ARHGEF28: variants seen among roughly 807,000 people sequenced by gnomAD.
The protein encoded by ARHGEF28 is 190 kDa guanine nucleotide exchange factor.
ARHGEF28 carries 152 observed loss-of-function variants against 206.6 expected under a neutral mutation model. That is an observed-to-expected ratio of 0.74 (90% CI 0.64 to 0.84). The LOEUF is 0.84. Ranked by LOEUF, ARHGEF28 falls within the 40% of genes least tolerant of loss-of-function variation. ARHGEF28 has a pLI of 0.00. For missense variants in ARHGEF28, 2,028 were observed against 2,073.2 expected (o/e 0.98, Z 0.42); for synonymous variants, 763 against 776.4 (o/e 0.98, Z 0.29).
chr5:73,771,673 TAAC>T (rs778058838), intron 4 of ARHGEF28, among the ~76,000 whole-genome samples: 5 of 152,156 alleles, frequency 3.3e-5, no homozygotes, highest in African/African-American at 4.8e-5. Context: ...TACCTGATCT[TAAC>T]AAGTCTATTC....
chr5:73,740,864 G>C lies in ARHGEF28; in HGVS notation c.34-8973G>C, dbSNP rs1468745432. On this transcript the variant is annotated intron_variant, in intron 2 of 35. Coordinates refer to ENST00000513042, the MANE Select transcript of ARHGEF28 (RefSeq NM_001177693.2). Reference sequence around the variant, plus strand: ...TTTTCATCAATATAGGGTAGGGCAGGCTGCTCCCTCAGTGATGCTAGTGGA... The same window carrying C: ...TTTTCATCAATATAGGGTAGGGCAGCCTGCTCCCTCAGTGATGCTAGTGGA... Among the ~76,000 whole-genome samples, 8 of 152,244 alleles carry C rather than the reference G, an allele frequency of 5.3e-5. No individual in the cohort carries two copies. In the East Asian group the frequency reaches 9.7e-4, roughly 18 times the overall value.
chr5:73,632,747 A>G (rs796185261), intron 1 of ARHGEF28, among the ~76,000 whole-genome samples: 66 of 152,256 alleles, frequency 4.3e-4, no homozygotes, highest in African/African-American at 1.6e-3. Flanking sequence ...ACATATTCCA[A>G]TTCACTATTT....
chr5:73,668,608 A>G lies in ARHGEF28; in HGVS notation c.-11-16233A>G, dbSNP rs141465026. The stretch of plus-strand genomic sequence containing the variant: ...CCAACCCATGCTTTTTGGGGAACAC[A>G]TTTGAACCACAGTAACCACCCATAT... On this transcript the variant is annotated intron_variant, in intron 1 of 35. Transcript: ENST00000513042. Among the ~76,000 whole-genome samples, 73 of 152,334 alleles carry G rather than the reference A, an allele frequency of 4.8e-4. 1 individual carries two copies. The East Asian group carries it at 0.014, about 28-fold the overall frequency.
At chr5:73,916,681 G>A (rs889441125) in intron 35 of ARHGEF28, among the ~76,000 whole-genome samples, 1 of 152,042 alleles carries the variant, frequency 6.6e-6, no homozygotes, top group Non-Finnish European at 1.5e-5. Flanking sequence ...CTGAGCTACT[G>A]GGGGTTAGGA....
intron 2 of ARHGEF28, among the ~76,000 whole-genome samples, chr5:73,739,335 A>C (rs1276388218): frequency 6.6e-6 from 1 of 152,226 alleles, no homozygotes; most frequent in East Asian, 1.9e-4. Flanking sequence ...ATTTCATACT[A>C]ATTGGAAACA....
In ARHGEF28 at chr5:73,684,833, C is replaced by T. The variant is rs776533245; in HGVS notation, c.-11-8C>T. On this transcript the variant is annotated splice_region_variant and splice_polypyrimidine_tract_variant and intron_variant, in intron 1 of 35. Coordinates refer to ENST00000513042, the MANE Select transcript of ARHGEF28 (RefSeq NM_001177693.2). Reference sequence around the variant, plus strand: ...AATAACTTCTCTTGTTTATTATTTTCATTGCAGATGCGAAAGCCATGGAGT... The same window carrying T: ...AATAACTTCTCTTGTTTATTATTTTTATTGCAGATGCGAAAGCCATGGAGT... 6.2e-7 allele frequency: 1 copy of T among 1,606,198 alleles called. No individual in the cohort carries two copies. The highest frequency in any genetic ancestry group is 8.5e-7 in the Non-Finnish European group (1 of 1,176,020).
rs139923022 is a variant in ARHGEF28, at chr5:73,699,640, G to A, written c.33+14756G>A. ...CTGAGCAGAGGCGTGCTGATGGGAG[G>A]GAATTTGAAAATCTGGGTTACTGAA... is the stretch of plus-strand genomic sequence containing the variant. On this transcript the variant is annotated intron_variant, in intron 2 of 35. Transcript: ENST00000513042. Among the ~76,000 whole-genome samples the A allele has an allele frequency of 8.3e-3, 1,259 of 152,148 alleles. 7 individuals carry two copies. The highest frequency in any genetic ancestry group is 0.024 in the African/African-American group (1,016 of 41,500).
intron 16 of ARHGEF28, among the ~76,000 whole-genome samples, chr5:73,863,624 G>A (rs1339702424): frequency 6.6e-6 from 1 of 151,014 alleles, no homozygotes; most frequent in Non-Finnish European, 1.5e-5. Flanking sequence ...TTTTACTGAG[G>A]CCCCCGTCTT....
At chr5:73,867,822 T>C in intron 18 of ARHGEF28, 54 bp from the exon 19 acceptor site, 1 of 1,610,284 alleles carries the variant, frequency 6.2e-7, no homozygotes, top group Non-Finnish European at 8.5e-7. Context: ...GTGACTACTT[T>C]TACTTGTAAT....
chr5:73,914,786 C>T (rs157450), intron 35 of ARHGEF28, among the ~76,000 whole-genome samples: 52,288 of 151,920 alleles, frequency 0.34, 9,500 homozygotes, highest in Admixed American at 0.45. Context: ...AGTTCAGTGG[C>T]GTGATTTTCA....
chr5:73,890,281 C>CAACT (rs1761546254), intron 26 of ARHGEF28, among the ~76,000 whole-genome samples: 1 of 152,196 alleles, frequency 6.6e-6, no homozygotes, highest in Admixed American at 6.5e-5. Flanking sequence ...CAACACTAAC[C>CAACT]AACTGGTTCA....
chr5:73,841,677 C>T (rs1757996003), intron 11 of ARHGEF28, among the ~76,000 whole-genome samples: 1 of 144,218 alleles, frequency 6.9e-6, no homozygotes, highest in Non-Finnish European at 1.5e-5. Flanking sequence ...TGAACTCCAA[C>T]CTGGGTGACA....
intron 4 of ARHGEF28, among the ~76,000 whole-genome samples, chr5:73,769,563 A>G (rs1368691789): frequency 6.6e-6 from 1 of 152,170 alleles, no homozygotes; most frequent in Non-Finnish European, 1.5e-5. Flanking sequence ...ATATTGTTGT[A>G]TGATTGCACT....
intron 2 of ARHGEF28, among the ~76,000 whole-genome samples, chr5:73,692,833 G>A (rs927314399): frequency 3.9e-5 from 6 of 152,154 alleles, no homozygotes; most frequent in East Asian, 1.9e-4. Context: ...GCCTTCTTCC[G>A]GATCCCTGCA....
At chr5:73,749,815 C>G in intron 2 of ARHGEF28, 22 bp from the exon 3 acceptor site, 6 of 1,612,822 alleles carry the variant, frequency 3.7e-6, no homozygotes, top group Non-Finnish European at 5.1e-6. Context: ...TCTGACAATG[C>G]CCCGACTTAT....
chr5:73,932,869 C>T (rs554690379), intron 35 of ARHGEF28, among the ~76,000 whole-genome samples: 1,212 of 119,318 alleles, frequency 0.01, 2 homozygotes, highest in Admixed American at 0.021. Flanking sequence ...AGTGCAGTGG[C>T]GCGATCTCGG....
chr5:73,684,178 A>G (rs1226713818), intron 1 of ARHGEF28, among the ~76,000 whole-genome samples: 1 of 152,168 alleles, frequency 6.6e-6, no homozygotes, highest in Admixed American at 6.6e-5. Flanking sequence ...CCATCTCCAG[A>G]ACTTCCTTAT....
At chr5:73,755,322 G>T (rs533447636) in intron 4 of ARHGEF28, among the ~76,000 whole-genome samples, 2 of 151,496 alleles carry the variant, frequency 1.3e-5, no homozygotes, top group Non-Finnish European at 2.9e-5. Flanking sequence ...TTTTTGGGGG[G>T]GTGTGGATCC....
chr5:73,848,380 A>G (rs1758493936), intron 12 of ARHGEF28, among the ~76,000 whole-genome samples: 1 of 152,198 alleles, frequency 6.6e-6, no homozygotes, highest in Admixed American at 6.5e-5. Context: ...GTGATATCCA[A>G]ACATCCACCC....
Sources: allele counts gnomAD v4.1 joint callset (sites outside exome capture counted in the v4.1 genomes callset), GRCh38; gene constraint gnomAD v4.1.1; transcripts MANE v1.5; gene names NCBI Gene and HGNC (gene_info 2026-07-23, HGNC 2026-07-21).